The following PLCB4 variants were observed in gnomAD, a reference collection of about 807,000 sequenced individuals.
PLCB4 encodes the protein phospholipase C beta 4.
Under a neutral mutation model 178.8 loss-of-function variants are expected in PLCB4, and 77 were observed. That is an observed-to-expected ratio of 0.43 (90% CI 0.36 to 0.52). The LOEUF is 0.52. PLCB4 is among the 20% of genes least tolerant of loss of function. The pLI is 0.00. For missense variants in PLCB4, 1,024 were observed against 1,453.4 expected (o/e 0.70, Z 4.80); for synonymous variants, 496 against 490.8 (o/e 1.01, Z -0.14).
At chr20:9,226,970 T>G (rs1014277250) in intron 3 of PLCB4, among the ~76,000 whole-genome samples, 19 of 151,396 alleles carry the variant, frequency 1.3e-4, no homozygotes, top group Admixed American at 2.0e-4. Flanking sequence ...TAATTTTTTG[T>G]TTTTTTTGTT....
chr20:9,376,729 C>T (rs2036707874), intron 12 of PLCB4, among the ~76,000 whole-genome samples: 1 of 152,056 alleles, frequency 6.6e-6, no homozygotes, highest in Non-Finnish European at 1.5e-5. Flanking sequence ...TGTTTGACTT[C>T]TTACAAAGAT....
chr20:9,291,126 A>G (rs2094576529), intron 3 of PLCB4, among the ~76,000 whole-genome samples: 1 of 152,144 alleles, frequency 6.6e-6, no homozygotes, highest in South Asian at 2.1e-4. Context: ...AGGCAGACTC[A>G]TTTTTAAAAA....
chr20:9,404,709 T>G (rs2039306435), intron 20 of PLCB4, among the ~76,000 whole-genome samples: 1 of 152,086 alleles, frequency 6.6e-6, no homozygotes, highest in East Asian at 1.9e-4. Context: ...CTTAAACAAC[T>G]GAAAACTATT....
At chr20:9,330,634 G>T (rs59970829) in intron 4 of PLCB4, among the ~76,000 whole-genome samples, 2 of 152,222 alleles carry the variant, frequency 1.3e-5, no homozygotes, top group East Asian at 1.9e-4. Context: ...CTCTGAAACC[G>T]CATTGGCCAA....
chr20:9,403,511 AC>A (rs2039202111), intron 20 of PLCB4, among the ~76,000 whole-genome samples: 1 of 152,222 alleles, frequency 6.6e-6, no homozygotes, highest in Non-Finnish European at 1.5e-5. Context: ...AGCAAAAAAA[AC>A]AATTCCCAAA....
At chr20:9,421,058 TG>T (rs2040596788) in intron 26 of PLCB4, among the ~76,000 whole-genome samples, 1 of 145,072 alleles carries the variant, frequency 6.9e-6, no homozygotes, top group Non-Finnish European at 1.5e-5. Flanking sequence ...ATTTTTTCTT[TG>T]TTTTTTTTCT....
At chr20:9,164,586 A>C (rs928446317) in intron 2 of PLCB4, among the ~76,000 whole-genome samples, 5 of 152,204 alleles carry the variant, frequency 3.3e-5, no homozygotes, top group Non-Finnish European at 7.3e-5. Flanking sequence ...TTCTTATTAG[A>C]AGCATTAGAA....
chr20:9,122,574 A>ATATAGATTAACTAGCCATGCACTC (rs1266850879), intron 2 of PLCB4, among the ~76,000 whole-genome samples: 3 of 152,190 alleles, frequency 2.0e-5, no homozygotes, highest in African/African-American at 7.2e-5. Flanking sequence ...TCACAAGACA[A>ATATAGATTAACTAGCCATGCACTC]TATAGATTAA....
chr20:9,261,703 A>C (rs1323582421), intron 3 of PLCB4, among the ~76,000 whole-genome samples: 1 of 152,218 alleles, frequency 6.6e-6, no homozygotes. Context: ...ACCTTGTCAT[A>C]ATCAATAGTG....
chr20:9,070,011 G>C lies in PLCB4; in HGVS notation c.-135+805G>C, dbSNP rs1600201055. Among the ~76,000 whole-genome samples, 3 of 151,994 alleles carry C rather than the reference G, an allele frequency of 2.0e-5. No individual in the cohort carries two copies. In the South Asian group the frequency reaches 6.2e-4, roughly 32 times the overall value. On this transcript the variant is annotated intron_variant, in intron 1 of 39. Transcript: ENST00000378473. ...TGTATTTGAAATTTAATTTTGGCCA[G>C]AATATTCAGGAAAGGTGTTTTTTTT... is the stretch of plus-strand genomic sequence containing the variant.
At chr20:9,071,689 A>T (rs2146460570) in intron 1 of PLCB4, among the ~76,000 whole-genome samples, 1 of 152,348 alleles carries the variant, frequency 6.6e-6, no homozygotes, top group East Asian at 1.9e-4. Flanking sequence ...AAATCTTGAG[A>T]GTAAATTTTA....
At chr20:9,218,104 CTGTT>C (rs768141333) in intron 3 of PLCB4, among the ~76,000 whole-genome samples, 1 of 152,030 alleles carries the variant, frequency 6.6e-6, no homozygotes, top group African/African-American at 2.4e-5. Context: ...GATCAAATTG[CTGTT>C]TGTTTATTTA....
At chr20:9,462,642 C>A (rs2043479106) in intron 35 of PLCB4, among the ~76,000 whole-genome samples, 1 of 151,972 alleles carries the variant, frequency 6.6e-6, no homozygotes, top group African/African-American at 2.4e-5. Context: ...ATAGCTGATT[C>A]GATCAAGTGG....
chr20:9,309,466 G>A (rs1020699003), intron 4 of PLCB4, among the ~76,000 whole-genome samples: 27 of 152,250 alleles, frequency 1.8e-4, no homozygotes, highest in Admixed American at 1.5e-3. Flanking sequence ...ATTTTACACT[G>A]CCTTCACATT....
At chr20:9,428,084 C>T (rs963733296) in intron 28 of PLCB4, among the ~76,000 whole-genome samples, 6 of 152,100 alleles carry the variant, frequency 3.9e-5, no homozygotes, top group Non-Finnish European at 7.4e-5. Context: ...GCTTTCCAAC[C>T]ATTTTTACAA....
chr20:9,214,560 GACACACACACACACAC>G (rs11474652), intron 2 of PLCB4, among the ~76,000 whole-genome samples: 4 of 145,488 alleles, frequency 2.7e-5, no homozygotes, highest in Non-Finnish European at 6.1e-5. Context: ...AAACACCCCA[GACACACACACACACAC>G]ACACACACAC....
chr20:9,380,139 C>A lies in PLCB4; in HGVS notation c.830C>A (p.Pro277His). ...RAMQIIEMYE[P>H]DEDLKKKGLI... ...ATGCAGATCATTGAGATGTATGAAC[C>A]TGATGAAGATTTGAAGAAAAAAGGT... is the stretch of plus-strand genomic sequence containing the variant. Residue 277 changes from proline to histidine, a missense_variant, in exon 13 of 40, where the codon CCT becomes CAT. Transcript: ENST00000378473. 2 of 1,534,854 alleles carry A rather than the reference C, an allele frequency of 1.3e-6. No individual in the cohort carries two copies. Among genetic ancestry groups the A allele is most frequent in the Non-Finnish European group, 1.8e-6 (2 of 1,128,532 alleles).
At chr20:9,166,686 T>TC (rs2092978909) in intron 2 of PLCB4, 1 of 152,308 alleles carries the variant, frequency 6.6e-6, no homozygotes, top group South Asian at 2.1e-4. Flanking sequence ...TCCTACTGAC[T>TC]CCTTTTCAGG....
At chr20:9,337,680 C>G (rs2032644697) in intron 5 of PLCB4, among the ~76,000 whole-genome samples, 1 of 152,126 alleles carries the variant, frequency 6.6e-6, no homozygotes, top group African/African-American at 2.4e-5. Flanking sequence ...TAGCATTTTT[C>G]TCACATTTCA....
Sources: gnomAD v4.1 joint callset for allele counts (sites outside exome capture counted in the v4.1 genomes callset) on GRCh38, gnomAD v4.1.1 for gene constraint, MANE v1.5 for transcripts, NCBI Gene and HGNC (gene_info 2026-07-23, HGNC 2026-07-21) for gene names.